Variants in EPB41L5 observed in about 807,000 individuals in gnomAD.
The protein encoded by EPB41L5 is band 4.1-like protein 5.
EPB41L5 carries 55 observed loss-of-function variants against 106.6 expected under a neutral mutation model. That is an observed-to-expected ratio of 0.52 (90% confidence interval 0.42 to 0.65). EPB41L5 has a LOEUF of 0.65. Ranked by LOEUF, EPB41L5 falls within the 30% of genes least tolerant of loss-of-function variation. The probability of loss-of-function intolerance (pLI) is 0.00; values close to 1 mark genes in which losing one functional copy is unlikely to be tolerated. For synonymous variants in EPB41L5, 297 were observed against 306.7 expected, an observed-to-expected ratio of 0.97 and a Z score of 0.33; for missense variants, 871 against 882.1, an observed-to-expected ratio of 0.99 and a Z score of 0.16.
chr2:120,035,283 A>G (rs769058692), intron 2 of EPB41L5, among the ~76,000 whole-genome samples: 1 of 152,114 alleles, frequency 6.6e-6, no homozygotes, highest in African/African-American at 2.4e-5. Context: ...TTTTTTGTAG[A>G]GATAGGGTCT....
intron 10 of EPB41L5, among the ~76,000 whole-genome samples, chr2:120,079,535 G>C (rs1421816908): frequency 2.0e-5 from 3 of 152,042 alleles, no homozygotes; most frequent in Non-Finnish European, 4.4e-5. Context: ...TGCTGTCTCT[G>C]GAAGGTCACC....
chr2:120,072,773 C>T (rs1001777235), intron 3 of EPB41L5, among the ~76,000 whole-genome samples: 3 of 151,920 alleles, frequency 2.0e-5, no homozygotes, highest in African/African-American at 7.3e-5. Context: ...CATACTGGCG[C>T]CTGTTGGGAG....
intron 18 of EPB41L5, among the ~76,000 whole-genome samples, chr2:120,133,767 T>TA (rs1467343272): frequency 6.6e-6 from 1 of 152,126 alleles, no homozygotes; most frequent in Non-Finnish European, 1.5e-5. Context: ...CCTAGAGAGA[T>TA]ACTAGCTGGA....
intron 3 of EPB41L5, among the ~76,000 whole-genome samples, chr2:120,063,138 A>C (rs1681192534): frequency 6.6e-6 from 1 of 151,918 alleles, no homozygotes; most frequent in African/African-American, 2.4e-5. Flanking sequence ...TCAGGAGTTC[A>C]AGACTAGCCC....
At chr2:120,155,055 A>G (rs868534080) in intron 20 of EPB41L5, among the ~76,000 whole-genome samples, 1 of 152,224 alleles carries the variant, frequency 6.6e-6, no homozygotes, top group Non-Finnish European at 1.5e-5. Context: ...TAAAATACTT[A>G]CTTTTATGCT....
At chr2:120,124,697 C>G (rs1685381676) in intron 16 of EPB41L5, among the ~76,000 whole-genome samples, 1 of 152,136 alleles carries the variant, frequency 6.6e-6, no homozygotes, top group Admixed American at 6.5e-5. Flanking sequence ...TGTTTTTCCT[C>G]CTGATCCAGC....
rs1393833010 is a variant in EPB41L5 at position 120,060,842 on chromosome 2, TCTTA to T, written c.286-12333_286-12330del. 2.0e-5 allele frequency among the ~76,000 whole-genome samples: 3 copies of T among 152,228 alleles called. No homozygotes were observed. The East Asian group carries it at 5.8e-4, about 29-fold the overall frequency. On this transcript the variant is annotated intron_variant, in intron 3 of 24. Coordinates refer to ENST00000263713, the MANE Select transcript of EPB41L5 (RefSeq NM_020909.4). ...GAAGTGTACACAGGACCGGGCCTCTTCTTACTATCATTCCAACTTTGTGTGAATC... is the reference window on the plus strand; with the variant it reads ...GAAGTGTACACAGGACCGGGCCTCTTCTATCATTCCAACTTTGTGTGAATC...
chr2:120,016,262 T>C (rs1166578263), intron 1 of EPB41L5, among the ~76,000 whole-genome samples: 2 of 152,066 alleles, frequency 1.3e-5, no homozygotes, highest in Non-Finnish European at 2.9e-5. Context: ...AAACCCAGTA[T>C]CTACTAAAAG....
intron 3 of EPB41L5, among the ~76,000 whole-genome samples, chr2:120,069,475 T>A (rs1368561688): frequency 6.6e-6 from 1 of 152,134 alleles, no homozygotes; most frequent in African/African-American, 2.4e-5. Context: ...GCAGACCTAA[T>A]AGACATCTAC....
intron 3 of EPB41L5, among the ~76,000 whole-genome samples, chr2:120,070,247 C>T (rs1387328166): frequency 6.6e-6 from 1 of 152,102 alleles, no homozygotes; most frequent in African/African-American, 2.4e-5. Flanking sequence ...TGGATAAATT[C>T]CTGGACACAT....
intron 18 of EPB41L5, among the ~76,000 whole-genome samples, chr2:120,136,040 CATAAT>C (rs1015090912): frequency 4.5e-5 from 6 of 132,716 alleles, no homozygotes; most frequent in African/African-American, 1.2e-4. Context: ...CTTTTCTAGA[CATAAT>C]ATAGTAAGCC....
At chr2:120,145,106 A>G (rs935275636) in intron 19 of EPB41L5, among the ~76,000 whole-genome samples, 1 of 152,238 alleles carries the variant, frequency 6.6e-6, no homozygotes, top group African/African-American at 2.4e-5. Flanking sequence ...GCTGGTGATG[A>G]TAGAGCTCCT....
intron 24 of EPB41L5, among the ~76,000 whole-genome samples, chr2:120,170,167 T>A (rs1386849201): frequency 6.6e-6 from 1 of 152,202 alleles, no homozygotes; most frequent in East Asian, 1.9e-4. Context: ...AAAAGAGCAG[T>A]GAAAATTAAT....
intron 12 of EPB41L5, 117 bp from the exon 13 acceptor site, chr2:120,091,438 G>T (rs1683403754): frequency 1.5e-6 from 1 of 668,724 alleles, no homozygotes; most frequent in East Asian, 2.7e-5. Context: ...AGCTGTTCCT[G>T]TGCGATGAAG....
At chr2:120,075,669 A>G (rs773384730) in intron 6 of EPB41L5, 32 bp from the exon 7 acceptor site, 6 of 1,585,862 alleles carry the variant, frequency 3.8e-6, no homozygotes, top group Non-Finnish European at 5.2e-6. Flanking sequence ...TATGAAATCA[A>G]CTTGTCTAAC....
chr2:120,015,253 G>A (rs1304196779), intron 1 of EPB41L5, among the ~76,000 whole-genome samples: 1 of 151,748 alleles, frequency 6.6e-6, no homozygotes, highest in African/African-American at 2.4e-5. Flanking sequence ...CGTAAACCCG[G>A]GAGGCAGATC....
At chr2:120,038,942 A>G (rs2105198482) in intron 2 of EPB41L5, among the ~76,000 whole-genome samples, 1 of 152,354 alleles carries the variant, frequency 6.6e-6, no homozygotes, top group East Asian at 1.9e-4. Context: ...CAACACTTGA[A>G]GAAGTAAACA....
At chr2:120,153,481 C>T (rs1292180345) in intron 20 of EPB41L5, among the ~76,000 whole-genome samples, 1 of 152,012 alleles carries the variant, frequency 6.6e-6, no homozygotes, top group Non-Finnish European at 1.5e-5. Context: ...GTGGAGTGTT[C>T]TATATATGTT....
Position 120,165,946 on chromosome 2 carries a change from C to T in EPB41L5, c.1962+1036C>T, listed in dbSNP as rs139619552. ...TAGCACCATTGCACTCCAGTCTGGG[C>T]GACACAGTGAGACTCCGTCTCAAAA... On this transcript the variant is annotated intron_variant, in intron 22 of 24. Transcript: ENST00000263713. Among the ~76,000 whole-genome samples, 1,049 of 119,646 alleles carry T rather than the reference C, an allele frequency of 8.8e-3. 12 individuals carry two copies. Among genetic ancestry groups the T allele is most frequent in the African/African-American group, 0.033 (996 of 30,554 alleles). 78.5% of individuals were successfully genotyped at this position (119,646 alleles called of 152,430 possible). A position where few individuals can be genotyped will look rare whatever the true frequency, so the allele number is the denominator to read the frequency against.
Sources: allele counts gnomAD v4.1 joint callset (sites outside exome capture counted in the v4.1 genomes callset), GRCh38; gene constraint gnomAD v4.1.1; transcripts MANE v1.5; gene names NCBI Gene and HGNC (gene_info 2026-07-23, HGNC 2026-07-21).